Variants in AGBL4 observed in about 807,000 individuals in gnomAD.
The protein encoded by AGBL4 is cytosolic carboxypeptidase 6.
Under a neutral mutation model 66.4 loss-of-function variants are expected in AGBL4, and 58 were observed. The ratio of observed to expected loss-of-function variants is 0.87; its 90% CI spans 0.71 to 1.09. AGBL4 has a LOEUF of 1.09. AGBL4 is among the 50% of genes least tolerant of loss of function. AGBL4 has a pLI of 0.00. For synonymous variants in AGBL4, 234 were observed against 222.9 expected (o/e 1.05, Z -0.44); for missense variants, 579 against 631.0 (o/e 0.92, Z 0.88).
chr1:49,575,885 T>G (rs1644426692), intron 3 of AGBL4, among the ~76,000 whole-genome samples: 1 of 152,212 alleles, frequency 6.6e-6, no homozygotes, highest in South Asian at 2.1e-4. Context: ...GGAGAGACCT[T>G]CATCGCTTTT....
intron 6 of AGBL4, among the ~76,000 whole-genome samples, chr1:48,792,382 C>T (rs1332414217): frequency 2.6e-5 from 4 of 151,824 alleles, no homozygotes; most frequent in Admixed American, 2.0e-4. Flanking sequence ...TTTAAGTGAC[C>T]CAGTTTGTGG....
At chr1:49,460,533 T>G (rs2148697355) in intron 3 of AGBL4, among the ~76,000 whole-genome samples, 1 of 151,892 alleles carries the variant, frequency 6.6e-6, no homozygotes, top group South Asian at 2.1e-4. Context: ...TGGTGAATTC[T>G]TATCCATTTT....
chr1:48,729,275 A>G (rs114137518), intron 6 of AGBL4, among the ~76,000 whole-genome samples: 544 of 152,352 alleles, frequency 3.6e-3, no homozygotes, highest in Admixed American at 6.9e-3. Context: ...TTAAGTAAAC[A>G]TATGTTAAAT....
chr1:49,385,646 T>C (rs1018916393), intron 3 of AGBL4, among the ~76,000 whole-genome samples: 1 of 152,090 alleles, frequency 6.6e-6, no homozygotes, highest in African/African-American at 2.4e-5. Context: ...CAAACTTCTT[T>C]ATATCTTTTG....
intron 6 of AGBL4, among the ~76,000 whole-genome samples, chr1:48,824,386 A>G (rs1646381168): frequency 6.6e-6 from 1 of 152,238 alleles, no homozygotes; most frequent in African/African-American, 2.4e-5. Context: ...AACTGAAGGC[A>G]CAGGAATAGA....
intron 2 of AGBL4, among the ~76,000 whole-genome samples, chr1:49,826,707 C>T (rs1645519313): frequency 6.6e-6 from 1 of 152,158 alleles, no homozygotes; most frequent in African/African-American, 2.4e-5. Context: ...TTAGGACCCA[C>T]CATTTTATGT....
rs574368368 is a variant in AGBL4 at position 49,820,150 on chromosome 1, C to T, written c.157+31246G>A. On this transcript the variant is annotated intron_variant, in intron 2 of 13. Transcript: ENST00000371839. ...AAAATCAGAATGTTTTATCTCCTAG[C>T]GTAAGCATCACATACACCTCTTGGA... Among the ~76,000 whole-genome samples, 6 of 152,234 alleles carry T rather than the reference C, an allele frequency of 3.9e-5. No homozygotes were observed. The South Asian group carries it at 1.2e-3, about 32-fold the overall frequency.
intron 4 of AGBL4, among the ~76,000 whole-genome samples, chr1:49,171,491 T>TC (rs931845301): frequency 2.7e-5 from 4 of 150,860 alleles, no homozygotes; most frequent in African/African-American, 9.7e-5. Context: ...AAAAAGACTT[T>TC]TTTTTTTCCT....
chr1:49,134,468 T>C (rs1305565325), intron 4 of AGBL4, among the ~76,000 whole-genome samples: 1 of 53,592 alleles, frequency 1.9e-5, no homozygotes, highest in Non-Finnish European at 4.0e-5. Flanking sequence ...AGCAGCCATT[T>C]TGGAGGGCCC....
chr1:49,123,117 C>T lies in AGBL4; in HGVS notation c.378-77317G>A, dbSNP rs1048295689. Reference sequence around the variant, plus strand: ...ATCTGCCCGCCTTGGCCTCCCAAAGCGCTAGGATTACAGGCATGAGCCACT... The same window carrying T: ...ATCTGCCCGCCTTGGCCTCCCAAAGTGCTAGGATTACAGGCATGAGCCACT... On this transcript the variant is annotated intron_variant, in intron 4 of 13. Coordinates refer to ENST00000371839, the MANE Select transcript of AGBL4 (RefSeq NM_032785.4). Among the ~76,000 whole-genome samples the T allele has an allele frequency of 5.3e-5, 8 of 152,036 alleles. No homozygotes were observed. The East Asian group carries it at 5.8e-4, about 11-fold the overall frequency.
At chr1:49,617,438 C>A (rs555293276) in intron 3 of AGBL4, among the ~76,000 whole-genome samples, 2 of 152,296 alleles carry the variant, frequency 1.3e-5, no homozygotes, top group East Asian at 3.9e-4. Context: ...TACCATCTTA[C>A]ATGTTTTACT....
chr1:49,124,321 G>T (rs1012577895), intron 4 of AGBL4, among the ~76,000 whole-genome samples: 1 of 152,126 alleles, frequency 6.6e-6, no homozygotes, highest in African/African-American at 2.4e-5. Flanking sequence ...GAAAGGTAAG[G>T]GTCAAATGAT....
chr1:48,869,096 G>A (rs1648396199), intron 5 of AGBL4, among the ~76,000 whole-genome samples: 1 of 152,090 alleles, frequency 6.6e-6, no homozygotes, highest in African/African-American at 2.4e-5. Flanking sequence ...TTGCTTCAAT[G>A]ACTTCTCATG....
chr1:48,987,385 G>A (rs1047657333), intron 5 of AGBL4, among the ~76,000 whole-genome samples: 1 of 151,978 alleles, frequency 6.6e-6, no homozygotes, highest in African/African-American at 2.4e-5. Context: ...ATCAGATTAA[G>A]TAGACTTTAG....
At chr1:49,652,000 TAAAA>T (rs1284780657) in intron 3 of AGBL4, among the ~76,000 whole-genome samples, 1 of 151,826 alleles carries the variant, frequency 6.6e-6, no homozygotes, top group African/African-American at 2.4e-5. Flanking sequence ...CAAGATATAA[TAAAA>T]AAGAATTTCT....
intron 2 of AGBL4, among the ~76,000 whole-genome samples, chr1:49,767,160 C>G (rs1017523718): frequency 6.6e-6 from 1 of 152,072 alleles, no homozygotes; most frequent in Non-Finnish European, 1.5e-5. Context: ...ATACATCCTT[C>G]TTATCTGAAC....
intron 4 of AGBL4, among the ~76,000 whole-genome samples, chr1:49,086,727 C>T (rs1644914267): frequency 6.6e-6 from 1 of 152,070 alleles, no homozygotes; most frequent in African/African-American, 2.4e-5. Flanking sequence ...GCTAGAGCTT[C>T]CAGCCCAGTG....
At chr1:49,347,282 T>G (rs574071467) in intron 3 of AGBL4, among the ~76,000 whole-genome samples, 80 of 147,618 alleles carry the variant, frequency 5.4e-4, no homozygotes, top group African/African-American at 2.0e-3. Flanking sequence ...GATGGAGTCT[T>G]GCTCTGTCAC....
At chr1:49,877,959 A>G (rs1180237759) in intron 1 of AGBL4, among the ~76,000 whole-genome samples, 24 of 152,238 alleles carry the variant, frequency 1.6e-4, no homozygotes, top group Admixed American at 1.1e-3. Context: ...AGGTGTTTGT[A>G]GTATTCTCTG....
Sources: gnomAD v4.1 joint callset for allele counts (sites outside exome capture counted in the v4.1 genomes callset) on GRCh38, gnomAD v4.1.1 for gene constraint, MANE v1.5 for transcripts, NCBI Gene and HGNC (gene_info 2026-07-23, HGNC 2026-07-21) for gene names.